Variants in ABCG2 observed in about 807,000 individuals in gnomAD.
ABCG2 encodes the protein ATP binding cassette subfamily G member 2 (JR blood group).
Under a neutral mutation model 73.5 loss-of-function variants are expected in ABCG2, and 80 were observed. That is an observed-to-expected ratio of 1.09 (90% CI 0.91 to 1.31). The LOEUF (loss-of-function observed/expected upper bound fraction) is 1.31. Among genes scored for constraint, ABCG2 ranks in the 50% most tolerant of loss-of-function variants. The pLI is 0.00. For missense variants in ABCG2, 796 were observed against 786.2 expected (o/e 1.01, Z -0.15); for synonymous variants, 269 against 282.4 (o/e 0.95, Z 0.48).
intron 1 of ABCG2, among the ~76,000 whole-genome samples, chr4:88,174,153 T>C (rs1727863343): frequency 6.6e-6 from 1 of 152,104 alleles, no homozygotes; most frequent in Non-Finnish European, 1.5e-5. Context: ...CTGGTGTTTT[T>C]TTTTTTTCTT....
At chr4:88,159,295 G>T, upstream of ABCG2, 1 of 446,706 alleles carries the variant, frequency 2.2e-6, no homozygotes, top group South Asian at 1.6e-5. Context: ...AGTCACAAGC[G>T]CTGCTCGCAC....
intron 1 of ABCG2, among the ~76,000 whole-genome samples, chr4:88,189,453 G>T (rs1361514614): frequency 6.6e-6 from 1 of 152,020 alleles, no homozygotes; most frequent in Non-Finnish European, 1.5e-5. Flanking sequence ...GTTCAAGGCT[G>T]CAGTGAGTTA....
chr4:88,177,157 G>C (rs998704590), intron 1 of ABCG2, among the ~76,000 whole-genome samples: 1 of 152,160 alleles, frequency 6.6e-6, no homozygotes, highest in Non-Finnish European at 1.5e-5. Context: ...CGGATCGCAA[G>C]GTCAGGAGAT....
chr4:88,165,469 C>T (rs1175905174), intron 1 of ABCG2, among the ~76,000 whole-genome samples: 1 of 152,228 alleles, frequency 6.6e-6, no homozygotes, highest in Admixed American at 6.5e-5. Flanking sequence ...TGTGACCCTG[C>T]TTCTGTCATC....
At chr4:88,098,972 C>A in intron 12 of ABCG2, among the ~76,000 whole-genome samples, 1 of 151,900 alleles carries the variant, frequency 6.6e-6, no homozygotes, top group East Asian at 1.9e-4. Context: ...TTCTGTGTGC[C>A]GGTAGTCCTA....
At chr4:88,099,643 A>G (rs939644855) in intron 11 of ABCG2, among the ~76,000 whole-genome samples, 195 bp from the exon 12 acceptor site, 1 of 152,134 alleles carries the variant, frequency 6.6e-6, no homozygotes, top group Admixed American at 6.5e-5. Flanking sequence ...CATCCCATGA[A>G]GCTCTGCGCA....
rs963101992 is a variant in ABCG2, at chr4:88,158,639, T to C, written c.-273A>G. ...CAATCTCAGTGGGAGTGGCGGGCAC[T>C]GCCTCTTCCCTCCTGCGCGCCCGGA... On this transcript the variant is annotated 5_prime_UTR_variant, in exon 1 of 16. Transcript: ENST00000237612. The C allele has an allele frequency of 1.4e-4, 64 of 456,242 alleles. No individual in the cohort carries two copies. The highest frequency in any genetic ancestry group is 6.5e-4 in the Middle Eastern group (2 of 3,070). The allele number at this position is 456,242 out of a possible 1,614,324, so 28.3% of individuals were successfully genotyped here.
At chr4:88,198,202 G>A (rs182957582) in intron 1 of ABCG2, among the ~76,000 whole-genome samples, 60 of 151,714 alleles carry the variant, frequency 4.0e-4, no homozygotes, top group Admixed American at 8.5e-4. Context: ...GCATGGTGGC[G>A]CGTGCCTGTA....
chr4:88,095,922 A>T (rs1276186029), intron 13 of ABCG2, among the ~76,000 whole-genome samples: 1 of 152,238 alleles, frequency 6.6e-6, no homozygotes. Context: ...ACTGCAAATA[A>T]TGGAAGGTCA....
At chr4:88,199,196 T>C (rs1729054277) in intron 1 of ABCG2, among the ~76,000 whole-genome samples, 1 of 152,034 alleles carries the variant, frequency 6.6e-6, no homozygotes, top group African/African-American at 2.4e-5. Context: ...CTCAAACTCC[T>C]GACCTCAGGT....
intron 1 of ABCG2, among the ~76,000 whole-genome samples, chr4:88,208,321 T>C (rs1578279288): frequency 6.6e-6 from 1 of 152,202 alleles, no homozygotes; most frequent in Non-Finnish European, 1.5e-5. Context: ...GGGTAAGCTA[T>C]AGGGAGAGTC....
intron 5 of ABCG2, among the ~76,000 whole-genome samples, chr4:88,122,603 G>C (rs1240296510): frequency 6.6e-6 from 1 of 152,188 alleles, no homozygotes; most frequent in Admixed American, 6.5e-5. Context: ...TAGCCAGACT[G>C]CCTCTCTAGA....
chr4:88,122,490 G>A (rs1057245001), intron 5 of ABCG2, among the ~76,000 whole-genome samples: 3 of 152,190 alleles, frequency 2.0e-5, no homozygotes, highest in African/African-American at 7.2e-5. Context: ...TGGGGGGAGG[G>A]GCATCCACCA....
chr4:88,194,006 A>G (rs1049572867), intron 1 of ABCG2, among the ~76,000 whole-genome samples: 1 of 152,088 alleles, frequency 6.6e-6, no homozygotes, highest in African/African-American at 2.4e-5. Flanking sequence ...CGGCCTCCCA[A>G]CCTAATGGGA....
intron 10 of ABCG2, among the ~76,000 whole-genome samples, chr4:88,103,627 C>T (rs1722590776): frequency 6.6e-6 from 1 of 152,188 alleles, no homozygotes; most frequent in Non-Finnish European, 1.5e-5. Context: ...TTATTATTTA[C>T]TGTGTTCACC....
At chr4:88,191,097 T>G (rs78578772) in intron 1 of ABCG2, among the ~76,000 whole-genome samples, 2 of 150,684 alleles carry the variant, frequency 1.3e-5, no homozygotes, top group Non-Finnish European at 3.0e-5. Context: ...AAAAAAAAAT[T>G]AGCCAGGCAT....
intron 2 of ABCG2, among the ~76,000 whole-genome samples, chr4:88,136,081 T>C (rs1725225649): frequency 6.6e-6 from 1 of 152,106 alleles, no homozygotes; most frequent in Non-Finnish European, 1.5e-5. Flanking sequence ...TTAATCCATA[T>C]ACAAAGACAG....
At chr4:88,210,794 A>C (rs886193641) in intron 1 of ABCG2, among the ~76,000 whole-genome samples, 1 of 152,006 alleles carries the variant, frequency 6.6e-6, no homozygotes, top group African/African-American at 2.4e-5. Context: ...TGTTGCCCAC[A>C]CTGGTCTCGA....
chr4:88,113,879 G>A (rs1355302330), intron 8 of ABCG2, among the ~76,000 whole-genome samples: 9 of 152,204 alleles, frequency 5.9e-5, no homozygotes, highest in Middle Eastern at 6.8e-3. Context: ...CAAGAGAATC[G>A]CTTGAACCAG....
Sources: allele counts gnomAD v4.1 joint callset (sites outside exome capture counted in the v4.1 genomes callset), GRCh38; gene constraint gnomAD v4.1.1; transcripts MANE v1.5; gene names NCBI Gene and HGNC (gene_info 2026-07-23, HGNC 2026-07-21).